Variants in TMEM181 observed in about 807,000 individuals in gnomAD.
TMEM181 encodes the protein G protein-coupled receptor 178.
TMEM181 carries 39 observed loss-of-function variants against 71.9 expected under a neutral mutation model. The ratio of observed to expected loss-of-function variants is 0.54; its 90% CI spans 0.42 to 0.71. The LOEUF (loss-of-function observed/expected upper bound fraction) is 0.71, where lower values mean the gene tolerates loss of function less well. Among genes scored for constraint, TMEM181 ranks in the 30% least tolerant of loss-of-function variants. The pLI, the probability that TMEM181 is intolerant of heterozygous loss-of-function variation, is 0.00. For synonymous variants in TMEM181, 245 were observed against 228.8 expected, an observed-to-expected ratio of 1.07 and a Z score of -0.64; for missense variants, 595 against 583.0, an observed-to-expected ratio of 1.02 and a Z score of -0.21.
intron 1 of TMEM181, among the ~76,000 whole-genome samples, chr6:158,565,318 A>G (rs1405895336): frequency 6.6e-6 from 1 of 152,122 alleles, no homozygotes; most frequent in African/African-American, 2.4e-5. Context: ...GTAGGCACTT[A>G]GTGGGCAAAG....
intron 6 of TMEM181, 129 bp from the exon 7 acceptor site, chr6:158,605,128 AAAAGTGTGTG>A: frequency 2.6e-6 from 1 of 388,484 alleles, no homozygotes; most frequent in Admixed American, 5.1e-5. Flanking sequence ...AAAAAAAAAA[AAAAGTGTGTG>A]TGTGTGTGTG....
chr6:158,590,870 C>G (rs547430189), intron 6 of TMEM181, among the ~76,000 whole-genome samples: 1 of 152,348 alleles, frequency 6.6e-6, no homozygotes, highest in East Asian at 1.9e-4. Context: ...ATTCCCTCCC[C>G]CACAGTCCTT....
At chr6:158,566,845 C>G (rs914289115) in intron 1 of TMEM181, among the ~76,000 whole-genome samples, 1 of 152,136 alleles carries the variant, frequency 6.6e-6, no homozygotes, top group Non-Finnish European at 1.5e-5. Flanking sequence ...CAAACCTCAC[C>G]TTGCTTGGAA....
intron 6 of TMEM181, among the ~76,000 whole-genome samples, chr6:158,597,089 T>C (rs1333040968): frequency 6.6e-6 from 1 of 152,192 alleles, no homozygotes; most frequent in South Asian, 2.1e-4. Context: ...CGATGGCCCC[T>C]TCCTGCCTGA....
intron 10 of TMEM181, chr6:158,611,640 C>T (rs1413389423): frequency 9.3e-6 from 3 of 321,282 alleles, no homozygotes; most frequent in Non-Finnish European, 1.8e-5. Flanking sequence ...CGAAAGGACT[C>T]CCTGAGTGCT....
At chr6:158,604,626 A>G (rs1055310554) in intron 6 of TMEM181, among the ~76,000 whole-genome samples, 2 of 152,168 alleles carry the variant, frequency 1.3e-5, no homozygotes, top group African/African-American at 2.4e-5. Flanking sequence ...GACTCCTTCA[A>G]CTGCAGCTCA....
intron 13 of TMEM181, 122 bp downstream of exon 13, chr6:158,625,876 GT>G: frequency 1.2e-6 from 1 of 851,962 alleles, no homozygotes. Context: ...GACTCATGAG[GT>G]TAGAGGGCCT....
chr6:158,562,822 C>G (rs1398026999), intron 1 of TMEM181, among the ~76,000 whole-genome samples: 1 of 152,332 alleles, frequency 6.6e-6, no homozygotes, highest in South Asian at 2.1e-4. Context: ...CAAGTGCCGT[C>G]GTAAGCACCT....
At chr6:158,552,161 A>C (rs1370953730) in intron 1 of TMEM181, among the ~76,000 whole-genome samples, 1 of 152,260 alleles carries the variant, frequency 6.6e-6, no homozygotes, top group East Asian at 1.9e-4. Context: ...CTGAGTAATC[A>C]AAAATCGAAT....
chr6:158,572,849 TGTGGGCTTGTGGGAATGGCAGAGGGAGGA>T (rs1782942807), intron 1 of TMEM181, among the ~76,000 whole-genome samples: 1 of 151,394 alleles, frequency 6.6e-6, no homozygotes, highest in Non-Finnish European at 1.5e-5. Context: ...GGACTTGGGA[TGTGGGCTTGTGGGAATGGCAGAGGGAGGA>T]GTGGGCTTGT....
At chr6:158,590,106 G>C (rs1441572161) in intron 6 of TMEM181, among the ~76,000 whole-genome samples, 1 of 152,144 alleles carries the variant, frequency 6.6e-6, no homozygotes, top group Admixed American at 6.5e-5. Context: ...GTCAGTCTCT[G>C]CCCGAACTGC....
chr6:158,609,252 G>A (rs569160395), intron 10 of TMEM181, among the ~76,000 whole-genome samples: 3 of 152,134 alleles, frequency 2.0e-5, no homozygotes, highest in African/African-American at 7.2e-5. Context: ...AACTATCTGC[G>A]GTCTTGGATA....
At chr6:158,609,345 TG>T (rs2128318327) in intron 10 of TMEM181, among the ~76,000 whole-genome samples, 1 of 151,018 alleles carries the variant, frequency 6.6e-6, no homozygotes, top group South Asian at 2.1e-4. Context: ...AATAGGAGGG[TG>T]ACTTTAGTCA....
At chr6:158,548,815 G>T (rs767087218) in intron 1 of TMEM181, among the ~76,000 whole-genome samples, 1 of 152,198 alleles carries the variant, frequency 6.6e-6, no homozygotes. Context: ...ATGGAGAGGC[G>T]CTGCTCAAAC....
At chr6:158,537,980 CAT>C (rs1428415962) in intron 1 of TMEM181, among the ~76,000 whole-genome samples, 1 of 152,114 alleles carries the variant, frequency 6.6e-6, no homozygotes, top group Non-Finnish European at 1.5e-5. Context: ...TGTAAAAAAT[CAT>C]GTGATGTAGC....
At chr6:158,594,556 T>C (rs1013451325) in intron 6 of TMEM181, among the ~76,000 whole-genome samples, 2 of 152,268 alleles carry the variant, frequency 1.3e-5, no homozygotes, top group African/African-American at 4.8e-5. Context: ...ATTGTCTGGA[T>C]GTACTGCAGC....
At chr6:158,580,025 G>A (rs1456261038) in intron 2 of TMEM181, among the ~76,000 whole-genome samples, 3 of 151,994 alleles carry the variant, frequency 2.0e-5, no homozygotes, top group Non-Finnish European at 2.9e-5. Context: ...CCACTGAACT[G>A]TATGCTTAAA....
At chr6:158,561,742 G>T (rs1168922280) in intron 1 of TMEM181, among the ~76,000 whole-genome samples, 1 of 152,190 alleles carries the variant, frequency 6.6e-6, no homozygotes, top group Non-Finnish European at 1.5e-5. Flanking sequence ...GCGAGTTTGA[G>T]GCCTCCCCCT....
At chr6:158,573,209 G>T (rs1385828884) in intron 1 of TMEM181, among the ~76,000 whole-genome samples, 3 of 152,152 alleles carry the variant, frequency 2.0e-5, no homozygotes, top group Non-Finnish European at 4.4e-5. Flanking sequence ...CCTCTAACCC[G>T]GAACGTGCAG....
Sources: gnomAD v4.1 joint callset for allele counts (sites outside exome capture counted in the v4.1 genomes callset) on GRCh38, gnomAD v4.1.1 for gene constraint, MANE v1.5 for transcripts, NCBI Gene and HGNC (gene_info 2026-07-23, HGNC 2026-07-21) for gene names.